Variants in DNAJC10 observed in about 807,000 individuals in gnomAD.
DNAJC10 encodes the protein DnaJ heat shock protein family (Hsp40) member C10.
Under a neutral mutation model 115.0 loss-of-function variants are expected in DNAJC10, and 101 were observed. The ratio of observed to expected loss-of-function variants is 0.88; its 90% confidence interval spans 0.75 to 1.04. DNAJC10 has a LOEUF of 1.04. Ranked by LOEUF, DNAJC10 falls within the 50% of genes least tolerant of loss-of-function variation. The probability of loss-of-function intolerance (pLI) is 0.00; values close to 1 mark genes in which losing one functional copy is unlikely to be tolerated. For missense variants in DNAJC10, 981 were observed against 928.8 expected, an observed-to-expected ratio of 1.06 and a Z score of -0.73; for synonymous variants, 307 against 301.5, an observed-to-expected ratio of 1.02 and a Z score of -0.19.
intron 14 of DNAJC10, among the ~76,000 whole-genome samples, chr2:182,747,671 G>A (rs1203657526): frequency 2.6e-5 from 4 of 151,724 alleles, no homozygotes; most frequent in Non-Finnish European, 5.9e-5. Context: ...CATGTCGTCT[G>A]CAAACAGGGA....
At chr2:182,718,363 T>A in intron 3 of DNAJC10, 73 bp downstream of exon 3, 1 of 1,219,162 alleles carries the variant, frequency 8.2e-7, no homozygotes, top group Non-Finnish European at 1.1e-6. Context: ...TAAATTGCTT[T>A]AAATGATCAA....
At chr2:182,731,000 A>C in intron 8 of DNAJC10, 30 bp from the exon 9 acceptor site, 6 of 1,516,280 alleles carry the variant, frequency 4.0e-6, no homozygotes, top group Non-Finnish European at 4.6e-6. Context: ...ATAGGTGATC[A>C]GAATTTGCTT....
At chr2:182,753,675 C>T (rs930281098) in intron 16 of DNAJC10, among the ~76,000 whole-genome samples, 2 of 150,820 alleles carry the variant, frequency 1.3e-5, no homozygotes, top group African/African-American at 2.4e-5. Flanking sequence ...CTCCACCCCC[C>T]GGGTTCATGC....
chr2:182,788,955 T>C lies in DNAJC10; in HGVS notation c.*11823T>C. 7.8e-6 allele frequency: 3 copies of C among 386,806 alleles called. No individual in the cohort carries two copies. Among genetic ancestry groups the C allele is most frequent in the South Asian group, 6.1e-5 (3 of 48,940 alleles). The allele number at this position is 386,806 out of a possible 1,614,324, so 24.0% of individuals were successfully genotyped here. A position where few individuals can be genotyped will look rare whatever the true frequency, so the allele number is the denominator to read the frequency against. ...ACAAAATTTATTAATCATTTTAAAG[T>C]AGCATACAGTTCAGTAGTGTTAAGT... On this transcript the variant is annotated 3_prime_UTR_variant, in exon 24 of 24. Transcript: ENST00000264065.
At chr2:182,753,605 C>CA (rs1285763443) in intron 16 of DNAJC10, among the ~76,000 whole-genome samples, 11 of 57,022 alleles carry the variant, frequency 1.9e-4, no homozygotes, top group African/African-American at 8.8e-4. Flanking sequence ...TTTTTTGAGA[C>CA]AGAGTCTTGC....
rs533748869 is a variant in DNAJC10 at position 182,745,881 on chromosome 2, C to A, written c.1306+2169C>A. Among the ~76,000 whole-genome samples, 185 of 152,148 alleles carry A rather than the reference C, an allele frequency of 1.2e-3. 1 individual carries two copies. Among genetic ancestry groups the A allele is most frequent in the African/African-American group, 4.2e-3 (175 of 41,492 alleles). On this transcript the variant is annotated intron_variant, in intron 14 of 23. Transcript: ENST00000264065. Reference sequence around the variant, plus strand: ...TTAGGTATATCTCCCCATGCTATGTCTCCCCACTCCCCCCACCCCACAACA... The same window carrying A: ...TTAGGTATATCTCCCCATGCTATGTATCCCCACTCCCCCCACCCCACAACA...
intron 8 of DNAJC10, chr2:182,730,384 C>A (rs986762488): frequency 4.0e-6 from 1 of 248,148 alleles, no homozygotes; most frequent in Non-Finnish European, 8.0e-6. Flanking sequence ...TCAAGATGTT[C>A]ATTTTATTCA....
intron 14 of DNAJC10, among the ~76,000 whole-genome samples, chr2:182,745,959 T>G (rs188854363): frequency 4.3e-4 from 66 of 152,152 alleles, no homozygotes; most frequent in Middle Eastern, 3.4e-3. Flanking sequence ...CATTGTTCAA[T>G]TCCCACCTAT....
rs1480284421 is a variant in DNAJC10, at chr2:182,740,277, C to A, written c.988-22C>A. On this transcript the variant is annotated intron_variant, in intron 11 of 23. Transcript: ENST00000264065. The stretch of plus-strand genomic sequence containing the variant: ...AATGAATATTTATTCAAAAAGATTA[C>A]AATGTGATTTTCTTTTTCTAGTTTC... The A allele has an allele frequency of 3.7e-6, 5 of 1,348,220 alleles. No homozygotes were observed. In the East Asian group the frequency reaches 7.9e-5, roughly 21 times the overall value. 83.5% of individuals were successfully genotyped at this position (1,348,220 alleles called of 1,614,324 possible).
chr2:182,792,139 AAAAAG>A lies in DNAJC10; in HGVS notation c.*15009_*15013del, dbSNP rs1187911092. ...ACATGTTCAAAGAGTAAATTAAAGA[AAAAAG>A]AGATGCTCAAGTCAATTTATAAGTA... On this transcript the variant is annotated 3_prime_UTR_variant, in exon 24 of 24. Coordinates refer to ENST00000264065, the MANE Select transcript of DNAJC10 (RefSeq NM_018981.4). 1 of 152,220 alleles carries A rather than the reference AAAAAG, an allele frequency of 6.6e-6. No individual in the cohort carries two copies. Among genetic ancestry groups the A allele is most frequent in the Non-Finnish European group, 1.5e-5 (1 of 68,038 alleles). 9.4% of individuals were successfully genotyped at this position (152,220 alleles called of 1,614,324 possible).
chr2:182,770,489 C>T (rs1455079566), intron 22 of DNAJC10, among the ~76,000 whole-genome samples: 2 of 151,964 alleles, frequency 1.3e-5, no homozygotes, highest in African/African-American at 4.8e-5. Context: ...CTTTTATTTC[C>T]TTGAGTAGTG....
At chr2:182,773,456 T>A (rs1252192018) in intron 22 of DNAJC10, among the ~76,000 whole-genome samples, 2 of 152,228 alleles carry the variant, frequency 1.3e-5, no homozygotes, top group African/African-American at 4.8e-5. Context: ...CCCATCACTT[T>A]CAAGTACACC....
chr2:182,723,157 A>G (rs1299084972), intron 5 of DNAJC10, among the ~76,000 whole-genome samples: 1 of 148,468 alleles, frequency 6.7e-6, no homozygotes, highest in Non-Finnish European at 1.5e-5. Context: ...CTCCTGCCTC[A>G]GCCTTCTGAA....
intron 22 of DNAJC10, among the ~76,000 whole-genome samples, chr2:182,768,656 A>G (rs866043386): frequency 3.3e-5 from 5 of 152,284 alleles, no homozygotes; most frequent in South Asian, 4.1e-4. Context: ...TAAGCAGGTC[A>G]GGATATGCTG....
Position 182,794,036 on chromosome 2 carries a change from T to C in DNAJC10, c.*16904T>C, listed in dbSNP as rs1432326147. 6.6e-6 allele frequency: 1 copy of C among 152,112 alleles called. No homozygotes were observed. The highest frequency in any genetic ancestry group is 1.5e-5 in the Non-Finnish European group (1 of 68,026). The allele number at this position is 152,112 out of a possible 1,614,324, so 9.4% of individuals were successfully genotyped here. A position where few individuals can be genotyped will look rare whatever the true frequency, so the allele number is the denominator to read the frequency against. Reference sequence around the variant, plus strand: ...AGATGATAAATATATTTTTAGGTGGTTAGGTGATGAAACACCTCCTCCAAA... The same window carrying C: ...AGATGATAAATATATTTTTAGGTGGCTAGGTGATGAAACACCTCCTCCAAA... On this transcript the variant is annotated 3_prime_UTR_variant, in exon 24 of 24. Transcript: ENST00000264065.
rs536073077 is a variant in DNAJC10 at position 182,722,007 on chromosome 2, A to C, written c.368-18A>C. ...GTGAAGTTTTGATTTTATAATTTTT[A>C]TATACTTTTAAAATTAGGTATTTAT... On this transcript the variant is annotated intron_variant, in intron 4 of 23. Coordinates refer to ENST00000264065, the MANE Select transcript of DNAJC10 (RefSeq NM_018981.4). The C allele has an allele frequency of 9.5e-6, 13 of 1,371,650 alleles. No homozygotes were observed. Among genetic ancestry groups the C allele is most frequent in the African/African-American group, 1.5e-5 (1 of 67,298 alleles). The allele number at this position is 1,371,650 out of a possible 1,614,324, so 85.0% of individuals were successfully genotyped here. A position where few individuals can be genotyped will look rare whatever the true frequency, so the allele number is the denominator to read the frequency against.
At position 182,722,047 on chromosome 2, in the gene DNAJC10, A is replaced by T. The variant is rs757439485; in HGVS notation, c.390A>T (p.Glu130Asp). 1 of 1,558,796 alleles carries T rather than the reference A, an allele frequency of 6.4e-7. No homozygotes were observed. Among genetic ancestry groups the T allele is most frequent in the South Asian group, 1.2e-5 (1 of 81,866 alleles). Residue 130 changes from glutamate (E) to aspartate (D), a missense_variant, in exon 5 of 24, where the codon GAA (glutamate) becomes GAT (aspartate). Transcript: ENST00000264065. ...YDFGIYDDDP[E>D]IITLERREFD... ...TAGGTATTTATGATGATGATCCTGA[A>T]ATCATAACATTGGAAAGAAGAGAAT...
chr2:182,774,280 C>T (rs1694645728), intron 22 of DNAJC10, among the ~76,000 whole-genome samples: 1 of 152,232 alleles, frequency 6.6e-6, no homozygotes, highest in African/African-American at 2.4e-5. Flanking sequence ...TGGAAGGTGT[C>T]TCCCAGTCGG....
intron 5 of DNAJC10, 126 bp from the exon 6 acceptor site, chr2:182,728,450 T>G: frequency 1.7e-6 from 1 of 582,522 alleles, no homozygotes. Context: ...ACACAGAAAA[T>G]GAGAAAGACA....
Sources: gnomAD v4.1 joint callset for allele counts (sites outside exome capture counted in the v4.1 genomes callset) on GRCh38, gnomAD v4.1.1 for gene constraint, MANE v1.5 for transcripts, NCBI Gene and HGNC (gene_info 2026-07-23, HGNC 2026-07-21) for gene names.